Variants in PLD5 observed in about 807,000 individuals in gnomAD.
PLD5 encodes phospholipase D family member 5, also known as inactive phospholipase D5.
In PLD5, 36 loss-of-function variants were observed where a neutral mutation model predicts 61.1. The ratio of observed to expected loss-of-function variants is 0.59; its 90% CI spans 0.45 to 0.78. The LOEUF (loss-of-function observed/expected upper bound fraction) is 0.78, where lower values mean the gene tolerates loss of function less well. Among genes scored for constraint, PLD5 ranks in the 30% least tolerant of loss-of-function variants. The probability of loss-of-function intolerance (pLI) is 0.00; values close to 1 mark genes in which losing one functional copy is unlikely to be tolerated. For missense variants in PLD5, 515 were observed against 644.4 expected (o/e 0.80, Z 2.17); for synonymous variants, 243 against 242.8 (o/e 1.00, Z -0.01).
rs563171219 is a variant in PLD5 at position 242,209,839 on chromosome 1, G to T, written c.735+10149C>A. 2.0e-5 allele frequency among the ~76,000 whole-genome samples: 3 copies of T among 152,302 alleles called. No homozygotes were observed. In the South Asian group the frequency reaches 6.2e-4, roughly 32 times the overall value. ...AGATGGAGTCTCACTCTGTCGCCCA[G>T]GCTGGACTGCAGTGGTGCAATCTTG... is the stretch of plus-strand genomic sequence containing the variant. On this transcript the variant is annotated intron_variant, in intron 5 of 9. Transcript: ENST00000536534.
chr1:242,202,618 A>G (rs1669052792), intron 5 of PLD5, among the ~76,000 whole-genome samples: 1 of 152,160 alleles, frequency 6.6e-6, no homozygotes, highest in Non-Finnish European at 1.5e-5. Context: ...GGGTCAGAAA[A>G]TTCTTGCTTA....
chr1:242,354,059 G>C (rs371951929), intron 1 of PLD5, among the ~76,000 whole-genome samples: 3,224 of 151,920 alleles, frequency 0.021, 51 homozygotes, highest in East Asian at 0.033. Context: ...AAGAGACCAG[G>C]AAGACTTACT....
intron 1 of PLD5, among the ~76,000 whole-genome samples, chr1:242,500,914 G>C (rs1483459425): frequency 6.6e-6 from 1 of 152,064 alleles, no homozygotes; most frequent in East Asian, 1.9e-4. Flanking sequence ...AAAGGTTAGG[G>C]ACAGCAACTA....
chr1:242,430,140 C>T (rs1296910908), intron 1 of PLD5, among the ~76,000 whole-genome samples: 1 of 152,152 alleles, frequency 6.6e-6, no homozygotes, highest in South Asian at 2.1e-4. Context: ...GCATGGATGT[C>T]GGGCCTAGCA....
At chr1:242,443,136 AT>A (rs1458291487) in intron 1 of PLD5, among the ~76,000 whole-genome samples, 2 of 152,220 alleles carry the variant, frequency 1.3e-5, no homozygotes, top group African/African-American at 4.8e-5. Context: ...AAAAAGTGAG[AT>A]TTAAGTATAT....
At chr1:242,454,593 T>C (rs1285408461) in intron 1 of PLD5, among the ~76,000 whole-genome samples, 1 of 152,214 alleles carries the variant, frequency 6.6e-6, no homozygotes, top group Non-Finnish European at 1.5e-5. Context: ...ACATATTTCA[T>C]CTGTAAAATG....
intron 1 of PLD5, among the ~76,000 whole-genome samples, chr1:242,356,885 C>A (rs1266140287): frequency 6.6e-6 from 1 of 151,998 alleles, no homozygotes; most frequent in East Asian, 1.9e-4. Flanking sequence ...TATCTCCTGA[C>A]AATTTATTTT....
intron 5 of PLD5, among the ~76,000 whole-genome samples, chr1:242,211,098 G>C (rs2148983813): frequency 6.6e-6 from 1 of 152,314 alleles, no homozygotes; most frequent in African/African-American, 2.4e-5. Context: ...ACCTAGCTGG[G>C]ATCATCGATG....
intron 1 of PLD5, among the ~76,000 whole-genome samples, chr1:242,411,758 G>A (rs375625975): frequency 6.6e-6 from 1 of 152,126 alleles, no homozygotes; most frequent in Non-Finnish European, 1.5e-5. Context: ...CATTGGCAAC[G>A]TCTTGCAAAA....
At chr1:242,528,861 G>GTGTGAAAAATTA (rs749696297), upstream of PLD5, among the ~76,000 whole-genome samples, 23 of 152,278 alleles carry the variant, frequency 1.5e-4, no homozygotes, top group Middle Eastern at 6.8e-3. Flanking sequence ...GCAATTATAA[G>GTGTGAAAAATTA]TTGTATTTTT....
At chr1:242,208,181 C>T (rs1041462186) in intron 5 of PLD5, among the ~76,000 whole-genome samples, 10 of 151,264 alleles carry the variant, frequency 6.6e-5, no homozygotes, top group Non-Finnish European at 1.5e-4. Context: ...ACCACCACAC[C>T]CAGCTAATAA....
chr1:242,168,080 T>A (rs1666459546), intron 5 of PLD5, among the ~76,000 whole-genome samples: 1 of 152,244 alleles, frequency 6.6e-6, no homozygotes. Flanking sequence ...TGATGCATCT[T>A]GATTAGGAAC....
chr1:242,409,066 A>C (rs1245764152), intron 1 of PLD5, among the ~76,000 whole-genome samples: 1 of 98,800 alleles, frequency 1.0e-5, no homozygotes, highest in Non-Finnish European at 1.9e-5. Context: ...GACTCCTCTC[A>C]AAAAAAAAAG....
chr1:242,225,013 C>T (rs756163981), intron 4 of PLD5, among the ~76,000 whole-genome samples: 1 of 152,136 alleles, frequency 6.6e-6, no homozygotes, highest in Non-Finnish European at 1.5e-5. Flanking sequence ...GGATTTTTTG[C>T]GTGTGTGCCT....
At chr1:242,329,136 G>A (rs1168705985) in intron 2 of PLD5, among the ~76,000 whole-genome samples, 4 of 151,858 alleles carry the variant, frequency 2.6e-5, no homozygotes, top group Non-Finnish European at 4.4e-5. Context: ...TCAGCCTTCC[G>A]AATAGCTGGG....
intron 2 of PLD5, among the ~76,000 whole-genome samples, chr1:242,306,181 G>A (rs1394679953): frequency 6.6e-6 from 1 of 151,856 alleles, no homozygotes; most frequent in Non-Finnish European, 1.5e-5. Context: ...CTCAGCTGCT[G>A]GGAAAGACTC....
chr1:242,429,945 C>CCCA, intron 1 of PLD5, among the ~76,000 whole-genome samples: 1 of 152,072 alleles, frequency 6.6e-6, no homozygotes, highest in African/African-American at 2.4e-5. Context: ...CAACTCATGC[C>CCCA]CCAACACAGA....
chr1:242,371,216 C>T (rs1051810893), intron 1 of PLD5, among the ~76,000 whole-genome samples: 5 of 152,116 alleles, frequency 3.3e-5, no homozygotes, highest in Non-Finnish European at 5.9e-5. Flanking sequence ...AACACACACA[C>T]GCACACACTT....
At chr1:242,229,789 CT>C (rs1267925075) in intron 4 of PLD5, among the ~76,000 whole-genome samples, 1 of 151,720 alleles carries the variant, frequency 6.6e-6, no homozygotes, top group Non-Finnish European at 1.5e-5. Context: ...CCTTGGGATT[CT>C]TTTTTTCCTA....
Sources: allele counts gnomAD v4.1 joint callset (sites outside exome capture counted in the v4.1 genomes callset), GRCh38; gene constraint gnomAD v4.1.1; transcripts MANE v1.5; gene names NCBI Gene and HGNC (gene_info 2026-07-23, HGNC 2026-07-21).